Variants in RGS6 observed in about 807,000 individuals in gnomAD.
RGS6 encodes regulator of G protein signaling 6.
A neutral mutation model predicts 78.5 loss-of-function variants in RGS6; 30 were observed. That is an observed-to-expected ratio of 0.38 (90% CI 0.29 to 0.52). The LOEUF is 0.52. RGS6 is among the 20% of genes least tolerant of loss of function. The pLI, the probability that RGS6 is intolerant of heterozygous loss-of-function variation, is 0.85. For missense variants in RGS6, 495 were observed against 609.7 expected (o/e 0.81, Z 1.98); for synonymous variants, 206 against 206.0 (o/e 1.00, Z 0.00).
intron 2 of RGS6, among the ~76,000 whole-genome samples, chr14:72,044,262 CAACTT>C (rs1292859419): frequency 6.6e-6 from 1 of 152,080 alleles, no homozygotes; most frequent in Non-Finnish European, 1.5e-5. Context: ...TTTTAGGTGT[CAACTT>C]GACTTTAGAA....
At chr14:72,380,552 C>CA (rs573483168) in intron 3 of RGS6, among the ~76,000 whole-genome samples, 58 of 151,238 alleles carry the variant, frequency 3.8e-4, no homozygotes, top group African/African-American at 1.2e-3. Flanking sequence ...TACAAGTGAC[C>CA]AAAAAATACA....
intron 12 of RGS6, among the ~76,000 whole-genome samples, chr14:72,491,087 G>A (rs1307805430): frequency 6.6e-6 from 1 of 152,120 alleles, no homozygotes; most frequent in African/African-American, 2.4e-5. Flanking sequence ...TAAGCTAATT[G>A]GCCATTATTG....
the RGS6 span, among the ~76,000 whole-genome samples, chr14:72,615,318 G>A: frequency 6.6e-6 from 1 of 152,198 alleles, no homozygotes; most frequent in Non-Finnish European, 1.5e-5. Context: ...GCCTGAGGTT[G>A]CCAGCAACCT....
chr14:71,997,569 C>A (rs908614439), intron 2 of RGS6, among the ~76,000 whole-genome samples: 6 of 152,130 alleles, frequency 3.9e-5, no homozygotes, highest in Non-Finnish European at 8.8e-5. Context: ...AAAAGGTTAA[C>A]CCTTGGTGCA....
chr14:72,400,180 G>A (rs1050549789), intron 3 of RGS6, among the ~76,000 whole-genome samples: 3 of 152,232 alleles, frequency 2.0e-5, no homozygotes, highest in Admixed American at 1.3e-4. Context: ...CAGACTAACA[G>A]CTGATCTCTT....
chr14:72,479,026 C>T (rs74932222), intron 12 of RGS6, among the ~76,000 whole-genome samples: 5,138 of 152,254 alleles, frequency 0.034, 160 homozygotes, highest in Non-Finnish European at 0.047. Flanking sequence ...ATTTATTCAT[C>T]CATATGCTAC....
chr14:72,627,695 T>C, the RGS6 span, among the ~76,000 whole-genome samples: 1 of 152,126 alleles, frequency 6.6e-6, no homozygotes, highest in African/African-American at 2.4e-5. Context: ...AAAAGTTTGT[T>C]GATATTTTTA....
At position 71,953,067 on chromosome 14, in the gene RGS6, A is replaced by G. The variant is rs373906223; in HGVS notation, c.-20-11705A>G. On this transcript the variant is annotated intron_variant, in intron 1 of 17. Coordinates refer to ENST00000553525, the MANE Select transcript of RGS6 (RefSeq NM_001204424.2). ...ATAAAATGTTATTTCTGCAGTCCCAATAGTCAGTAGTATTAGAAACTATAA... is the reference window on the plus strand; with the variant it reads ...ATAAAATGTTATTTCTGCAGTCCCAGTAGTCAGTAGTATTAGAAACTATAA... 3.9e-5 allele frequency among the ~76,000 whole-genome samples: 6 copies of G among 152,328 alleles called. No individual in the cohort carries two copies. The South Asian group carries it at 1.0e-3, about 26-fold the overall frequency.
chr14:72,560,218 AGGGAT>A (rs1180503981), intron 17 of RGS6, among the ~76,000 whole-genome samples: 1 of 152,096 alleles, frequency 6.6e-6, no homozygotes, highest in Non-Finnish European at 1.5e-5. Context: ...CTGGCGAAGG[AGGGAT>A]GGGAGGAGGA....
chr14:72,605,323 CT>C, the RGS6 span, among the ~76,000 whole-genome samples: 1 of 152,218 alleles, frequency 6.6e-6, no homozygotes, highest in African/African-American at 2.4e-5. Context: ...ATGAGCCAGG[CT>C]TCAGCACAGA....
chr14:72,376,481 C>T (rs2084748820), intron 3 of RGS6, among the ~76,000 whole-genome samples: 1 of 152,064 alleles, frequency 6.6e-6, no homozygotes, highest in African/African-American at 2.4e-5. Flanking sequence ...GGAGAAAGAT[C>T]CAGGAAGCTC....
Position 72,495,229 on chromosome 14 carries a change from G to C in RGS6, c.932G>C (p.Ser311Thr). ...GCTGAGCCATCCAACCCTTGGATCA[G>C]CGATGACGTTGCTTTGTGGGACATA... Reference protein sequence around the residue: ...TPAEPSNPWISDDVALWDIEM... With the variant: ...TPAEPSNPWITDDVALWDIEM... The change falls in exon 13 of 18, where the codon AGC becomes ACC. Residue 311 changes from serine (S) to threonine (T), a missense_variant. By Grantham distance (58) the Ser-to-Thr change is moderately conservative (BLOSUM62 1). Coordinates refer to ENST00000553525, the MANE Select transcript of RGS6 (RefSeq NM_001204424.2). 1.9e-6 allele frequency: 3 copies of C among 1,613,426 alleles called. No homozygotes were observed. The highest frequency in any genetic ancestry group is 2.5e-6 in the Non-Finnish European group (3 of 1,179,372).
chr14:72,462,601 G>C (rs185196319), intron 6 of RGS6, among the ~76,000 whole-genome samples: 1 of 152,290 alleles, frequency 6.6e-6, no homozygotes, highest in African/African-American at 2.4e-5. Flanking sequence ...CTGCTACGAT[G>C]GTGATTTTTC....
chr14:72,025,251 AC>A (rs2089605218), intron 2 of RGS6, among the ~76,000 whole-genome samples: 1 of 151,838 alleles, frequency 6.6e-6, no homozygotes, highest in South Asian at 2.1e-4. Context: ...CTCTGCTCCA[AC>A]AGGGCCAAAT....
At chr14:72,333,564 C>G (rs1021708594) in intron 2 of RGS6, among the ~76,000 whole-genome samples, 1 of 152,222 alleles carries the variant, frequency 6.6e-6, no homozygotes, top group Admixed American at 6.5e-5. Context: ...TGGCACTTTC[C>G]GCTGTCAGAA....
rs2096286931 is a variant in RGS6 at position 72,478,273 on chromosome 14, A to G, written c.798A>G (p.Thr266=). 6.2e-7 allele frequency: 1 copy of G among 1,612,536 alleles called. No homozygotes were observed. The highest frequency in any genetic ancestry group is 1.3e-5 in the African/African-American group (1 of 75,038). ...TGTGTTCTCTATTTTCCCAGATAACATTTTTGAACGCACAGATCGACAGAC... is the reference window on the plus strand; with the variant it reads ...TGTGTTCTCTATTTTCCCAGATAACGTTTTTGAACGCACAGATCGACAGAC... ...TTKEDIRKQI[T]FLNAQIDRHC... The change falls in exon 12 of 18, where the codon ACA becomes ACG. Residue 266 remains threonine, a synonymous_variant. Transcript: ENST00000553525.
At chr14:71,950,355 G>C (rs2092156790) in intron 1 of RGS6, among the ~76,000 whole-genome samples, 1 of 152,078 alleles carries the variant, frequency 6.6e-6, no homozygotes, top group Non-Finnish European at 1.5e-5. Context: ...GGTGCTGGGA[G>C]ACATGGCTAG....
chr14:71,937,986 G>T (rs1271113502), intron 1 of RGS6, among the ~76,000 whole-genome samples: 1 of 152,198 alleles, frequency 6.6e-6, no homozygotes, highest in African/African-American at 2.4e-5. Flanking sequence ...GGAAGTCCGT[G>T]TTGCTGAGCC....
chr14:72,477,233 A>T (rs1385864906), intron 11 of RGS6: 1 of 166,666 alleles, frequency 6.0e-6, no homozygotes, highest in Non-Finnish European at 1.3e-5. Context: ...AAAGTTTAAG[A>T]ATAAATAAAG....
Sources: gnomAD v4.1 joint callset for allele counts (sites outside exome capture counted in the v4.1 genomes callset) on GRCh38, gnomAD v4.1.1 for gene constraint, MANE v1.5 for transcripts, NCBI Gene and HGNC (gene_info 2026-07-23, HGNC 2026-07-21) for gene names.